DSCAML1: variants seen among roughly 807,000 people sequenced by gnomAD.
The protein encoded by DSCAML1 is DS cell adhesion molecule like 1.
In DSCAML1, 38 loss-of-function variants were observed where a neutral mutation model predicts 200.5. That is an observed-to-expected ratio of 0.19 (90% CI 0.15 to 0.25). The LOEUF (loss-of-function observed/expected upper bound fraction) is 0.25. DSCAML1 is among the 10% of genes least tolerant of loss of function. The pLI is 1.00. For missense variants in DSCAML1, 2,223 were observed against 2,858.8 expected (o/e 0.78, Z 5.07); for synonymous variants, 1,215 against 1,165.0 (o/e 1.04, Z -0.87).
At chr11:117,533,715 G>A (rs534343000) in intron 3 of DSCAML1, among the ~76,000 whole-genome samples, 2 of 152,246 alleles carry the variant, frequency 1.3e-5, no homozygotes, top group African/African-American at 2.4e-5. Flanking sequence ...CATCCCAGAG[G>A]GGAAGTGGAT....
At chr11:117,690,648 G>A (rs2053478242) in intron 3 of DSCAML1, among the ~76,000 whole-genome samples, 1 of 152,222 alleles carries the variant, frequency 6.6e-6, no homozygotes. Context: ...GCTGGAGGAG[G>A]AGCCCAGCCA....
At chr11:117,583,854 G>A (rs2051090240) in intron 3 of DSCAML1, among the ~76,000 whole-genome samples, 1 of 152,220 alleles carries the variant, frequency 6.6e-6, no homozygotes, top group African/African-American at 2.4e-5. Context: ...TCAGACCCTG[G>A]TGTGAAAGAC....
chr11:117,525,180 C>T, intron 4 of DSCAML1, 97 bp from the exon 5 acceptor site: 1 of 1,364,264 alleles, frequency 7.3e-7, no homozygotes, highest in African/African-American at 1.5e-5. Context: ...GAGCCTGCTG[C>T]CCACTGGCGC....
At chr11:117,797,406 G>T (rs1200703696), upstream of DSCAML1, 1 of 638,504 alleles carries the variant, frequency 1.6e-6, no homozygotes, top group Non-Finnish European at 2.3e-6. Flanking sequence ...GCCCCGACCC[G>T]GCTCCGCTGT....
At chr11:117,513,283 C>G (rs995759217) in intron 8 of DSCAML1, among the ~76,000 whole-genome samples, 10 of 152,142 alleles carry the variant, frequency 6.6e-5, no homozygotes, top group Admixed American at 6.5e-4. Flanking sequence ...GGTGGTACGG[C>G]AAGGCCCCTG....
intron 21 of DSCAML1, among the ~76,000 whole-genome samples, chr11:117,440,453 A>C (rs7943989): frequency 1.3e-5 from 2 of 151,948 alleles, no homozygotes; most frequent in East Asian, 3.9e-4. Flanking sequence ...CACTAAGCAC[A>C]GACATGGAGA....
At chr11:117,804,225 G>A (rs1351232282) in intron 1 of DSCAML1, among the ~76,000 whole-genome samples, 1 of 152,240 alleles carries the variant, frequency 6.6e-6, no homozygotes, top group East Asian at 1.9e-4. Context: ...AGACCACGGG[G>A]AATGTTGGCC....
chr11:117,607,554 A>C (rs985947049), intron 3 of DSCAML1, among the ~76,000 whole-genome samples: 1 of 152,232 alleles, frequency 6.6e-6, no homozygotes, highest in African/African-American at 2.4e-5. Flanking sequence ...ACAGAGGTGC[A>C]GGCAGGGCTG....
intron 3 of DSCAML1, among the ~76,000 whole-genome samples, chr11:117,678,692 C>T (rs115345500): frequency 2.1e-3 from 317 of 152,288 alleles, no homozygotes; most frequent in African/African-American, 7.2e-3. Context: ...CGGGGGATAG[C>T]AAGTTCCAAG....
At chr11:117,800,486 CTAA>C (rs2055647328), upstream of DSCAML1, among the ~76,000 whole-genome samples, 4 of 152,346 alleles carry the variant, frequency 2.6e-5, no homozygotes, top group South Asian at 8.3e-4. Context: ...ACATAAACAC[CTAA>C]TGACAGGCAC....
chr11:117,725,327 G>A (rs1434296571), intron 3 of DSCAML1, among the ~76,000 whole-genome samples: 1 of 152,096 alleles, frequency 6.6e-6, no homozygotes, highest in Non-Finnish European at 1.5e-5. Context: ...CAGAGTGCAC[G>A]ACTTATGTTC....
intron 3 of DSCAML1, among the ~76,000 whole-genome samples, chr11:117,692,994 G>T (rs1340036338): frequency 6.6e-6 from 1 of 152,194 alleles, no homozygotes; most frequent in East Asian, 1.9e-4. Flanking sequence ...AACATGTTCA[G>T]TTTCTCAAAG....
At position 117,516,837 on chromosome 11, in the gene DSCAML1, A is replaced by C. The variant is rs1050504732; in HGVS notation, c.1511-98T>G. 7.6e-6 allele frequency: 11 copies of C among 1,438,482 alleles called. No individual in the cohort carries two copies. Among genetic ancestry groups the C allele is most frequent in the Non-Finnish European group, 1.0e-5 (11 of 1,076,228 alleles). 89.1% of individuals were successfully genotyped at this position (1,438,482 alleles called of 1,614,324 possible). On this transcript the variant is annotated intron_variant, in intron 7 of 32. Coordinates refer to ENST00000651296, the MANE Select transcript of DSCAML1 (RefSeq NM_020693.4). The surrounding 1 kb of genome is among the most constrained non-coding windows in gnomAD (Gnocchi z 5.7). The stretch of plus-strand genomic sequence containing the variant: ...CCACCCTGCGGTGCTCTTCTCAGGC[A>C]CTCGGCCCCTGAGACTTTCGGGGGC...
chr11:117,568,659 A>C (rs2050796334), intron 3 of DSCAML1, among the ~76,000 whole-genome samples: 1 of 152,228 alleles, frequency 6.6e-6, no homozygotes, highest in Non-Finnish European at 1.5e-5. Context: ...AATCCAACTT[A>C]CAAGGGACAT....
Position 117,662,268 on chromosome 11 carries a change from A to G in DSCAML1, c.511+114523T>C, listed in dbSNP as rs78888391. On this transcript the variant is annotated intron_variant, in intron 3 of 32. Coordinates refer to ENST00000651296, the MANE Select transcript of DSCAML1 (RefSeq NM_020693.4). The stretch of plus-strand genomic sequence containing the variant: ...AGAGAAGAGAAGGCTGAAGCAGGTG[A>G]GGAGGAAACTGAGAAGTCTAGGCAA... Among the ~76,000 whole-genome samples, 1,306 of 152,332 alleles carry G rather than the reference A, an allele frequency of 8.6e-3. 21 individuals are homozygous for G. Among genetic ancestry groups the G allele is most frequent in the African/African-American group, 0.029 (1,215 of 41,564 alleles).
intron 3 of DSCAML1, among the ~76,000 whole-genome samples, chr11:117,632,634 G>A (rs529820782): frequency 3.3e-5 from 5 of 152,306 alleles, no homozygotes; most frequent in Admixed American, 6.5e-5. Context: ...GAGTTTTATG[G>A]CATGGCCCTG....
At chr11:117,486,294 C>T (rs1425001516) in intron 11 of DSCAML1, among the ~76,000 whole-genome samples, 1 of 148,890 alleles carries the variant, frequency 6.7e-6, no homozygotes, top group African/African-American at 2.5e-5. Context: ...GTGAAAATGG[C>T]AGATGTGAAA....
Position 117,735,246 on chromosome 11 carries a change from C to T in DSCAML1, c.511+41545G>A, listed in dbSNP as rs368247740. On this transcript the variant is annotated intron_variant, in intron 3 of 32. Transcript: ENST00000651296. ...GAAAGAAGACAGGAAGAATTTGAAG[C>T]CCAGGAACGCCAAAGAGTGTGTCTA... 4.6e-5 allele frequency among the ~76,000 whole-genome samples: 7 copies of T among 152,328 alleles called. No individual in the cohort carries two copies. The East Asian group carries it at 1.4e-3, about 29-fold the overall frequency.
chr11:117,548,616 A>G (rs1311388405), intron 3 of DSCAML1, among the ~76,000 whole-genome samples: 1 of 152,180 alleles, frequency 6.6e-6, no homozygotes, highest in East Asian at 1.9e-4. Flanking sequence ...CAGGCTTCTT[A>G]AAGAGTGATA....
Sources: gnomAD v4.1 joint callset for allele counts (sites outside exome capture counted in the v4.1 genomes callset) on GRCh38, gnomAD v4.1.1 for gene constraint, Gnocchi (gnomAD v3.1) non-coding constraint, MANE v1.5 for transcripts, NCBI Gene and HGNC (gene_info 2026-07-23, HGNC 2026-07-21) for gene names.